NLRP7: variants seen among roughly 807,000 people sequenced by gnomAD.
The protein encoded by NLRP7 is NACHT, LRR and PYD domains-containing protein 7.
Under a neutral mutation model 85.5 loss-of-function variants are expected in NLRP7, and 72 were observed. The observed-to-expected ratio is 0.84, with a 90% CI of 0.70 to 1.02. The LOEUF (loss-of-function observed/expected upper bound fraction) is 1.02. Among genes scored for constraint, NLRP7 ranks in the 50% least tolerant of loss-of-function variants. The pLI is 0.00. For missense variants in NLRP7, 1,243 were observed against 1,219.5 expected, an observed-to-expected ratio of 1.02 and a Z score of -0.29; for synonymous variants, 550 against 505.2, an observed-to-expected ratio of 1.09 and a Z score of -1.19.
exon 2 of NLRP7, chr19:54,941,536 A>T (rs377147065): frequency 6.2e-7 from 1 of 1,613,828 alleles, no homozygotes; most frequent in Non-Finnish European, 8.5e-7. Flanking sequence ...GGAGGTGTTG[A>T]CCAGAATTTC....
rs559419886 is a variant in NLRP7, at chr19:54,944,832, G to A, written c.-40+2637C>T. ...CTTGTCAAAGTGTACAGCATGGAGC[G>A]ATGTTATATATACAGTGAAATGATT... On this transcript the variant is annotated intron_variant, in intron 1 of 9. Coordinates refer to ENST00000340844, the Ensembl canonical transcript of NLRP7. 2.8e-4 allele frequency among the ~76,000 whole-genome samples: 42 copies of A among 152,152 alleles called. 1 individual carries two copies. The highest frequency in any genetic ancestry group is 2.6e-3 in the Admixed American group (40 of 15,246).
At chr19:54,923,917 A>C in intron 9 of NLRP7, 45 bp from the exon 11 acceptor site, 4 of 1,604,786 alleles carry the variant, frequency 2.5e-6, no homozygotes, top group East Asian at 2.2e-5. Flanking sequence ...ATTCATTCTC[A>C]ACTACCCAGG....
At chr19:54,932,265 T>C (rs1477036767) in intron 8 of NLRP7, among the ~76,000 whole-genome samples, 1 of 151,820 alleles carries the variant, frequency 6.6e-6, no homozygotes, top group Non-Finnish European at 1.5e-5. Context: ...TCATCTCCAC[T>C]AAAAGTGCAA....
intron 9 of NLRP7, among the ~76,000 whole-genome samples, chr19:54,927,211 A>C (rs1305038904): frequency 2.0e-5 from 3 of 151,924 alleles, no homozygotes; most frequent in African/African-American, 7.3e-5. Flanking sequence ...CAACATGGTG[A>C]AACCCCTCTC....
At chr19:54,946,655 T>A (rs2069489176) in intron 1 of NLRP7, among the ~76,000 whole-genome samples, 1 of 151,700 alleles carries the variant, frequency 6.6e-6, no homozygotes, top group African/African-American at 2.4e-5. Flanking sequence ...TTCTTTGTTT[T>A]TTGAGACGGA....
chr19:54,957,826 G>A (rs2069908271), intron 1 of NLRP7, among the ~76,000 whole-genome samples: 1 of 152,148 alleles, frequency 6.6e-6, no homozygotes. Context: ...AGGGTGGAGG[G>A]AATCCATTTT....
intron 8 of NLRP7, among the ~76,000 whole-genome samples, chr19:54,932,859 G>T (rs1362835143): frequency 6.6e-6 from 1 of 152,006 alleles, no homozygotes; most frequent in Admixed American, 6.6e-5. Context: ...TTTTCACCAT[G>T]TTGGCCAGGC....
intron 1 of NLRP7, among the ~76,000 whole-genome samples, chr19:54,964,430 A>C (rs1452167869): frequency 3.5e-5 from 5 of 144,042 alleles, no homozygotes; most frequent in African/African-American, 1.0e-4. Flanking sequence ...GTTAGCCAGG[A>C]TGGTCTCGAT....
chr19:54,926,497 G>A (rs549528513), intron 9 of NLRP7, among the ~76,000 whole-genome samples: 2 of 152,216 alleles, frequency 1.3e-5, no homozygotes, highest in East Asian at 3.9e-4. Context: ...AGCCATCCCA[G>A]GGCCGAGCAC....
intron 9 of NLRP7, among the ~76,000 whole-genome samples, chr19:54,928,279 T>G (rs2068531994): frequency 6.6e-6 from 1 of 152,074 alleles, no homozygotes; most frequent in African/African-American, 2.4e-5. Context: ...GAACCACCTA[T>G]AATTCCAGCT....
At chr19:54,926,043 C>CA (rs1569538850) in intron 9 of NLRP7, among the ~76,000 whole-genome samples, 1 of 145,952 alleles carries the variant, frequency 6.9e-6, no homozygotes, top group Non-Finnish European at 1.5e-5. Context: ...GACTCCGTCT[C>CA]AAAAAAAAGA....
intron 9 of NLRP7, among the ~76,000 whole-genome samples, chr19:54,928,372 T>G: frequency 6.6e-6 from 1 of 151,734 alleles, no homozygotes; most frequent in African/African-American, 2.4e-5. Flanking sequence ...CCAGCTTGGG[T>G]GAAAGAGTGA....
upstream of NLRP7, among the ~76,000 whole-genome samples, chr19:54,948,205 G>A (rs1326918355): frequency 6.6e-6 from 1 of 152,156 alleles, no homozygotes; most frequent in Non-Finnish European, 1.5e-5. Flanking sequence ...CCAACGTGGT[G>A]AAACTCTGTC....
intron 9 of NLRP7, among the ~76,000 whole-genome samples, chr19:54,926,107 C>T (rs1046576010): frequency 1.2e-4 from 18 of 151,938 alleles, no homozygotes; most frequent in African/African-American, 3.9e-4. Context: ...AAGATATACA[C>T]GGGTCACAAC....
rs766831433 is a variant in NLRP7, at chr19:54,941,760, A to G, written c.-39-10T>C. ...GGTTAAGGCTGAAGAACTGGGGGGA[A>G]AAAAGGAAAAACAGTTCACGAGTTA... On this transcript the variant is annotated splice_polypyrimidine_tract_variant and intron_variant, in intron 1 of 9. Coordinates refer to ENST00000340844, the Ensembl canonical transcript of NLRP7. 10 of 1,579,168 alleles carry G rather than the reference A, an allele frequency of 6.3e-6. No individual in the cohort carries two copies. The highest frequency in any genetic ancestry group is 2.0e-5 in the Admixed American group (1 of 51,272).
chr19:54,925,782 T>C (rs2068405423), intron 9 of NLRP7, among the ~76,000 whole-genome samples: 1 of 152,080 alleles, frequency 6.6e-6, no homozygotes, highest in Non-Finnish European at 1.5e-5. Context: ...GCAGATCACC[T>C]GAGGTCAGGA....
chr19:54,940,884 A>C (rs1327860693), intron 3 of NLRP7, 47 bp downstream of exon 3: 2 of 1,133,692 alleles, frequency 1.8e-6, no homozygotes, highest in Non-Finnish European at 2.7e-6. Flanking sequence ...TGCACCTTGC[A>C]TGCTCTCAAA....
chr19:54,949,525 G>C (rs2069603961), upstream of NLRP7, among the ~76,000 whole-genome samples: 3 of 152,180 alleles, frequency 2.0e-5, no homozygotes, highest in South Asian at 6.2e-4. Flanking sequence ...GCTATGGAGA[G>C]ATAAACATGA....
chr19:54,963,909 C>T (rs1241745352), intron 1 of NLRP7, among the ~76,000 whole-genome samples: 1 of 148,634 alleles, frequency 6.7e-6, no homozygotes. Context: ...GAGACGGAGT[C>T]TCACTCTGTC....
Sources: gnomAD v4.1 joint callset for allele counts (sites outside exome capture counted in the v4.1 genomes callset) on GRCh38, gnomAD v4.1.1 for gene constraint, MANE v1.5 for transcripts, NCBI Gene and HGNC (gene_info 2026-07-23, HGNC 2026-07-21) for gene names.